The following ATP2B2 variants were observed in gnomAD, a reference collection of about 807,000 sequenced individuals.
The protein encoded by ATP2B2 is plasma membrane calcium-transporting ATPase 2.
Under a neutral mutation model 120.0 loss-of-function variants are expected in ATP2B2, and 15 were observed. The observed-to-expected ratio is 0.12, with a 90% confidence interval of 0.08 to 0.19. The LOEUF (loss-of-function observed/expected upper bound fraction) is 0.19, where lower values mean the gene tolerates loss of function less well. Among genes scored for constraint, ATP2B2 ranks in the 10% least tolerant of loss-of-function variants. The pLI is 1.00. For synonymous variants in ATP2B2, 694 were observed against 700.3 expected, an observed-to-expected ratio of 0.99 and a Z score of 0.14; for missense variants, 1,045 against 1,719.8, an observed-to-expected ratio of 0.61 and a Z score of 6.94.
At chr3:10,379,161 G>C in intron 9 of ATP2B2, 82 bp downstream of exon 9, 6 of 1,497,772 alleles carry the variant, frequency 4.0e-6, no homozygotes, top group Middle Eastern at 3.4e-4. Context: ...GCCCTTGCCA[G>C]TCTCTGTCTC....
At chr3:10,528,278 G>A (rs1472711797) in intron 3 of ATP2B2, among the ~76,000 whole-genome samples, 1 of 152,118 alleles carries the variant, frequency 6.6e-6, no homozygotes, top group Non-Finnish European at 1.5e-5. Context: ...CCAACCCAAG[G>A]AAGCTTCCAC....
chr3:10,552,461 G>A (rs975960501), intron 2 of ATP2B2, among the ~76,000 whole-genome samples: 1 of 152,246 alleles, frequency 6.6e-6, no homozygotes, highest in African/African-American at 2.4e-5. Context: ...TCTTGTGGGT[G>A]CTGCCCTCCA....
chr3:10,518,838 C>T (rs1201203731), intron 3 of ATP2B2, among the ~76,000 whole-genome samples: 1 of 152,174 alleles, frequency 6.6e-6, no homozygotes, highest in Non-Finnish European at 1.5e-5. Flanking sequence ...AGGTGTGGGG[C>T]AGGGATTTTG....
chr3:10,435,865 A>C (rs987898528), intron 2 of ATP2B2, among the ~76,000 whole-genome samples: 1 of 152,230 alleles, frequency 6.6e-6, no homozygotes, highest in South Asian at 2.1e-4. Context: ...AATAAAAAAG[A>C]TATTATAAAA....
At chr3:10,545,791 G>A (rs972944492) in intron 2 of ATP2B2, among the ~76,000 whole-genome samples, 1 of 152,182 alleles carries the variant, frequency 6.6e-6, no homozygotes. Flanking sequence ...TAGGGGATTA[G>A]TTAAGTACAT....
rs76705871 is a variant in ATP2B2 at position 10,548,100 on chromosome 3, G to A, written c.-414-13967C>T. On this transcript the variant is annotated intron_variant, in intron 2 of 21. Transcript: ENST00000646379. Reference sequence around the variant, plus strand: ...TGACACTCAGCAGGACCACATCACCGTTTGTAGACTGGTGATGAGGTTCTA... The same window carrying A: ...TGACACTCAGCAGGACCACATCACCATTTGTAGACTGGTGATGAGGTTCTA... 9.2e-4 allele frequency among the ~76,000 whole-genome samples: 140 copies of A among 152,288 alleles called. 4 individuals are homozygous for A. In the East Asian group the frequency reaches 0.024, roughly 26 times the overall value.
chr3:10,512,294 C>T (rs549262193), intron 3 of ATP2B2, among the ~76,000 whole-genome samples: 31 of 152,216 alleles, frequency 2.0e-4, no homozygotes, highest in African/African-American at 7.2e-4. Flanking sequence ...GCAGGCCTAA[C>T]TGCTGACTCA....
chr3:10,499,677 G>A (rs1173353904), intron 1 of ATP2B2, among the ~76,000 whole-genome samples: 3 of 152,088 alleles, frequency 2.0e-5, no homozygotes, highest in Non-Finnish European at 4.4e-5. Context: ...CTGGGACCAC[G>A]GCTGGGCCCC....
intron 2 of ATP2B2, among the ~76,000 whole-genome samples, chr3:10,545,148 A>T (rs1351183259): frequency 6.6e-6 from 1 of 152,244 alleles, no homozygotes; most frequent in African/African-American, 2.4e-5. Context: ...GTCTCAGAAG[A>T]TTACATACTG....
chr3:10,676,121 C>G (rs1157760101), intron 1 of ATP2B2, among the ~76,000 whole-genome samples: 1 of 152,138 alleles, frequency 6.6e-6, no homozygotes, highest in Non-Finnish European at 1.5e-5. Context: ...AGCACAGGAT[C>G]TGGCAGTTTC....
At chr3:10,610,509 A>C (rs144394370) in intron 2 of ATP2B2, among the ~76,000 whole-genome samples, 1 of 152,280 alleles carries the variant, frequency 6.6e-6, no homozygotes, top group East Asian at 1.9e-4. Flanking sequence ...TCTGCAACTA[A>C]ACCCCTAAAC....
At chr3:10,486,344 T>C (rs939346290) in intron 1 of ATP2B2, among the ~76,000 whole-genome samples, 71 of 151,890 alleles carry the variant, frequency 4.7e-4, no homozygotes, top group African/African-American at 1.6e-3. Context: ...TGTGTGTGTG[T>C]GTGTGTGTGT....
chr3:10,355,235 A>G (rs981229886), intron 14 of ATP2B2, among the ~76,000 whole-genome samples: 1 of 152,164 alleles, frequency 6.6e-6, no homozygotes, highest in Admixed American at 6.5e-5. Flanking sequence ...TGAATGCTGG[A>G]CAGTCTGATT....
chr3:10,660,836 C>A (rs1247715587), intron 1 of ATP2B2, among the ~76,000 whole-genome samples: 1 of 152,100 alleles, frequency 6.6e-6, no homozygotes, highest in Non-Finnish European at 1.5e-5. Flanking sequence ...AACATTGATG[C>A]AAAAATCCTC....
intron 3 of ATP2B2, among the ~76,000 whole-genome samples, chr3:10,527,556 G>A (rs2125466917): frequency 6.6e-6 from 1 of 152,204 alleles, no homozygotes; most frequent in South Asian, 2.1e-4. Context: ...CCTGGGCCAG[G>A]GCTTGCCCTC....
Position 10,340,821 on chromosome 3 carries a change from A to G in ATP2B2, c.2918-117T>C. 1 of 1,035,386 alleles carries G rather than the reference A, an allele frequency of 9.7e-7. No homozygotes were observed. Among genetic ancestry groups the G allele is most frequent in the South Asian group, 1.3e-5 (1 of 74,722 alleles). The allele number at this position is 1,035,386 out of a possible 1,614,324, so 64.1% of individuals were successfully genotyped here. On this transcript the variant is annotated intron_variant, in intron 19 of 22. Coordinates refer to ENST00000360273, the MANE Select transcript of ATP2B2 (RefSeq NM_001001331.4). The surrounding 1 kb of genome is among the most constrained non-coding windows in gnomAD (Gnocchi z 5.0). The stretch of plus-strand genomic sequence containing the variant: ...AGTGACGTGAATCCCCAAGACATCA[A>G]GGCATGCTTGGACAGTGGGGGGCCA...
intron 2 of ATP2B2, among the ~76,000 whole-genome samples, chr3:10,558,311 G>C (rs1222830769): frequency 6.6e-6 from 1 of 152,208 alleles, no homozygotes; most frequent in Non-Finnish European, 1.5e-5. Flanking sequence ...CTAGTGACTG[G>C]TTCATGGAAG....
At chr3:10,595,748 A>T (rs1445379992) in intron 2 of ATP2B2, among the ~76,000 whole-genome samples, 1 of 152,204 alleles carries the variant, frequency 6.6e-6, no homozygotes, top group East Asian at 1.9e-4. Context: ...ACCATACTCC[A>T]TCACATTTTC....
At chr3:10,331,720 T>TC (rs1224377901) in intron 22 of ATP2B2, among the ~76,000 whole-genome samples, 1 of 151,370 alleles carries the variant, frequency 6.6e-6, no homozygotes, top group East Asian at 1.9e-4. Context: ...GAATTTTTTT[T>TC]TTTTTGGCAT....
Sources: gnomAD v4.1 joint callset for allele counts (sites outside exome capture counted in the v4.1 genomes callset) on GRCh38, gnomAD v4.1.1 for gene constraint, Gnocchi (gnomAD v3.1) non-coding constraint, MANE v1.5 for transcripts, NCBI Gene and HGNC (gene_info 2026-07-23, HGNC 2026-07-21) for gene names.